Variants in MYSM1 observed in about 807,000 individuals in gnomAD.
MYSM1 encodes the protein deubiquitinase MYSM1.
Under a neutral mutation model 116.0 loss-of-function variants are expected in MYSM1, and 51 were observed. The observed-to-expected ratio is 0.44, with a 90% CI of 0.35 to 0.56. MYSM1 has a LOEUF of 0.56. Ranked by LOEUF, MYSM1 falls within the 20% of genes least tolerant of loss-of-function variation. The pLI is 0.00. For missense variants in MYSM1, 900 were observed against 974.9 expected (o/e 0.92, Z 1.02); for synonymous variants, 313 against 315.2 (o/e 0.99, Z 0.07).
chr1:58,676,002 T>A (rs1569747906), intron 9 of MYSM1, among the ~76,000 whole-genome samples: 1 of 152,022 alleles, frequency 6.6e-6, no homozygotes, highest in East Asian at 1.9e-4. Context: ...ACAGAAAATC[T>A]TCTTGTTAGT....
At position 58,661,216 on chromosome 1, in the gene MYSM1, A is replaced by G. The variant is rs753911600; in HGVS notation, c.2282T>C (p.Met761Thr). The change falls in exon 19 of 20, where the codon ATG becomes ACG. Residue 761 changes from methionine (M) to threonine (T), a missense_variant. Around this residue, in one of 3 missense-constraint regions of MYSM1, gnomAD observed 186 missense variants for 196.2 expected, o/e 0.95. Transcript: ENST00000472487. Reference protein sequence around the residue: ...KYRLSHSSVPMDKIFRRDSDL... With the variant: ...KYRLSHSSVPTDKIFRRDSDL... ...AGAATCCCGGCGAAAGATTTTATCC[A>G]TGGGGACGCTGCTGTAGGAAGAAAT... The G allele has an allele frequency of 1.9e-6, 3 of 1,613,074 alleles. No homozygotes were observed. The highest frequency in any genetic ancestry group is 2.5e-6 in the Non-Finnish European group (3 of 1,179,196).
At chr1:58,676,739 G>A (rs1380587696) in intron 9 of MYSM1, 187 bp downstream of exon 9, 3 of 421,592 alleles carry the variant, frequency 7.1e-6, no homozygotes, top group Non-Finnish European at 1.2e-5. Flanking sequence ...AATTTTCAGT[G>A]TAGGTCAAAT....
At chr1:58,679,422 T>C (rs913664560) in intron 8 of MYSM1, among the ~76,000 whole-genome samples, 7 of 152,178 alleles carry the variant, frequency 4.6e-5, no homozygotes, top group African/African-American at 1.7e-4. Context: ...GTAACAAATA[T>C]AGAATTTGAT....
At chr1:58,668,896 C>A in intron 13 of MYSM1, 88 bp downstream of exon 13, 1 of 1,075,362 alleles carries the variant, frequency 9.3e-7, no homozygotes, top group Non-Finnish European at 1.4e-6. Context: ...ATACATATGC[C>A]TTGCACATAC....
In MYSM1 at chr1:58,685,269, G is replaced by GA. The variant is rs1221758102; in HGVS notation, c.400-19dup. ...AATTTAGCCTGTATTATTAAAATGG[G>GA]AAAAAAAATTGCTTTTGATGAATTT... On this transcript the variant is annotated intron_variant, in intron 6 of 19. Coordinates refer to ENST00000472487, the MANE Select transcript of MYSM1 (RefSeq NM_001085487.3). The GA allele has an allele frequency of 4.5e-6, 7 of 1,569,700 alleles. No individual in the cohort carries two copies. Among genetic ancestry groups the GA allele is most frequent in the Middle Eastern group, 1.8e-4 (1 of 5,500 alleles).
At chr1:58,682,568 T>A (rs1219694924) in intron 7 of MYSM1, 23 bp from the exon 8 acceptor site, 2 of 1,536,368 alleles carry the variant, frequency 1.3e-6, no homozygotes, top group Admixed American at 4.3e-5. Flanking sequence ...CAAAATAAAA[T>A]CCCCATAATA....
intron 7 of MYSM1, among the ~76,000 whole-genome samples, 154 bp from the exon 8 acceptor site, chr1:58,682,699 CTTT>C (rs768660432): frequency 2.2e-5 from 2 of 89,198 alleles, no homozygotes; most frequent in African/African-American, 3.3e-5. Flanking sequence ...TTTTTCTTTT[CTTT>C]TTTTTTTTTT....
rs1427171298 is a variant in MYSM1, at chr1:58,659,405, T to C, written c.*592A>G. 1.3e-5 allele frequency: 2 copies of C among 152,196 alleles called. No individual in the cohort carries two copies. The highest frequency in any genetic ancestry group is 1.9e-4 in the East Asian group (1 of 5,204). 9.4% of individuals were successfully genotyped at this position (152,196 alleles called of 1,614,324 possible). A position where few individuals can be genotyped will look rare whatever the true frequency, so the allele number is the denominator to read the frequency against. On this transcript the variant is annotated 3_prime_UTR_variant, in exon 20 of 20. Transcript: ENST00000472487. Reference sequence around the variant, plus strand: ...TACTGCTATACAATGAAATGGAAGATAGTATCTATGATTAGAAACTGGTAA... The same window carrying C: ...TACTGCTATACAATGAAATGGAAGACAGTATCTATGATTAGAAACTGGTAA...
At chr1:58,673,511 T>C (rs1293109554) in intron 11 of MYSM1, 62 bp downstream of exon 11, 2 of 1,254,836 alleles carry the variant, frequency 1.6e-6, no homozygotes, top group African/African-American at 3.0e-5. Flanking sequence ...GACATTAAGA[T>C]GTACAAATAT....
In MYSM1 at chr1:58,676,181, G is replaced by C. The variant is rs572627245; in HGVS notation, c.1391-601C>G. Among the ~76,000 whole-genome samples, 9 of 152,216 alleles carry C rather than the reference G, an allele frequency of 5.9e-5. No homozygotes were observed. In the East Asian group the frequency reaches 1.7e-3, roughly 29 times the overall value. On this transcript the variant is annotated intron_variant, in intron 9 of 19. Transcript: ENST00000472487. ...CGCCTGTGATCCCAGCACTTTAGGA[G>C]GCTGAGGCGGGCAAATCACGAGGTC...
intron 11 of MYSM1, 109 bp downstream of exon 11, chr1:58,673,464 C>A: frequency 2.2e-6 from 2 of 902,274 alleles, no homozygotes; most frequent in Middle Eastern, 2.2e-4. Flanking sequence ...GGAATGAACA[C>A]ATACATGTTA....
chr1:58,687,864 G>A (rs1367739842), intron 6 of MYSM1, among the ~76,000 whole-genome samples: 1 of 152,098 alleles, frequency 6.6e-6, no homozygotes, highest in Non-Finnish European at 1.5e-5. Flanking sequence ...CTGGCATTAG[G>A]TTGGTCTCCC....
At chr1:58,681,547 A>C (rs1396491271) in intron 8 of MYSM1, among the ~76,000 whole-genome samples, 1 of 152,200 alleles carries the variant, frequency 6.6e-6, no homozygotes, top group Non-Finnish European at 1.5e-5. Context: ...TCATAAAGCA[A>C]TCGTCTATCC....
chr1:58,669,720 C>T (rs1259503495), intron 12 of MYSM1, among the ~76,000 whole-genome samples: 3 of 149,880 alleles, frequency 2.0e-5, no homozygotes, highest in Admixed American at 6.7e-5. Flanking sequence ...CCCAGCCACT[C>T]GGGAGGCTGA....
intron 8 of MYSM1, among the ~76,000 whole-genome samples, chr1:58,679,989 G>C (rs1166741051): frequency 6.9e-6 from 1 of 145,942 alleles, no homozygotes; most frequent in African/African-American, 2.6e-5. Flanking sequence ...ATCATGCCAA[G>C]GCACTCCAGC....
At chr1:58,661,598 G>A in intron 17 of MYSM1, 87 bp from the exon 18 acceptor site, 1 of 724,462 alleles carries the variant, frequency 1.4e-6, no homozygotes, top group South Asian at 1.9e-5. Flanking sequence ...TCCCTTCGGT[G>A]TTTTTACAGC....
intron 17 of MYSM1, among the ~76,000 whole-genome samples, chr1:58,664,989 C>T (rs774188330): frequency 2.0e-5 from 3 of 152,194 alleles, no homozygotes; most frequent in African/African-American, 4.8e-5. Context: ...ACATAAACCT[C>T]AGGGGAATCA....
rs780935957 is a variant in MYSM1, at chr1:58,667,175, T to C, written c.1894A>G (p.Met632Val). The change falls in exon 16 of 20, where the codon ATG (methionine) becomes GTG (valine). Residue 632 changes from methionine to valine, a missense_variant. Met to Val is a conservative substitution (Grantham distance 21). This residue lies in a region of MYSM1 where 92 missense variants were observed against 155.0 expected (regional missense o/e 0.59). Transcript: ENST00000472487. ...NSLSTGLQCE[M>V]DPVSQTQASE... ...GCCTGTGTTTGTGATACAGGATCCA[T>C]CTCACACTGTAGTCCTGTACTCAGA... 2 of 1,612,488 alleles carry C rather than the reference T, an allele frequency of 1.2e-6. No homozygotes were observed. Among genetic ancestry groups the C allele is most frequent in the Non-Finnish European group, 1.7e-6 (2 of 1,178,990 alleles).
chr1:58,679,178 T>C (rs1167487904), intron 8 of MYSM1, among the ~76,000 whole-genome samples: 4 of 152,296 alleles, frequency 2.6e-5, no homozygotes, highest in African/African-American at 9.6e-5. Flanking sequence ...CTCTTCTATT[T>C]TTTTTTAACA....
Sources: gnomAD v4.1 joint callset for allele counts (sites outside exome capture counted in the v4.1 genomes callset) on GRCh38, gnomAD v4.1.1 for gene constraint, gnomAD v4.1.1 regional missense constraint, MANE v1.5 for transcripts, NCBI Gene and HGNC (gene_info 2026-07-23, HGNC 2026-07-21) for gene names.